The following KLHL38 variants were observed in gnomAD, a reference collection of about 807,000 sequenced individuals.
KLHL38 encodes kelch like family member 38.
A neutral mutation model predicts 39.6 loss-of-function variants in KLHL38; 38 were observed. That is an observed-to-expected ratio of 0.96 (90% confidence interval 0.74 to 1.26). KLHL38 has a LOEUF of 1.26. Ranked by LOEUF, KLHL38 falls within the 50% of genes most tolerant of loss-of-function variation. The pLI, the probability that KLHL38 is intolerant of heterozygous loss-of-function variation, is 0.00. For missense variants in KLHL38, 803 were observed against 748.1 expected (o/e 1.07, Z -0.86); for synonymous variants, 322 against 302.2 (o/e 1.07, Z -0.68).
At chr8:123,648,852 A>G (rs1812581400) in intron 2 of KLHL38, among the ~76,000 whole-genome samples, 1 of 152,234 alleles carries the variant, frequency 6.6e-6, no homozygotes. Context: ...GAACAAGCCT[A>G]TGAAGAAAAC....
chr8:123,647,824 A>G (rs1818688264), intron 2 of KLHL38, among the ~76,000 whole-genome samples: 1 of 152,180 alleles, frequency 6.6e-6, no homozygotes. Context: ...CACGCCTGTA[A>G]TCTCAGCACT....
rs200890127 is a variant in KLHL38, at chr8:123,652,761, T to C, written c.166A>G (p.Ser56Gly). Reference sequence around the variant, plus strand: ...CAGAACATAGCCCTGAAGTAGGGGCTGCTGGAGGCCAGCACGTTGCGGTGG... The same window carrying C: ...CAGAACATAGCCCTGAAGTAGGGGCCGCTGGAGGCCAGCACGTTGCGGTGG... ...PCHRNVLASS[S>G]PYFRAMFCSS... The change falls in exon 2 of 4, where the codon AGC becomes GGC. Residue 56 changes from serine (S) to glycine (G), a missense_variant. Coordinates refer to ENST00000684634, the MANE Select transcript of KLHL38 (RefSeq NM_001081675.3). 1 of 1,614,226 alleles carries C rather than the reference T, an allele frequency of 6.2e-7. No homozygotes were observed. The highest frequency in any genetic ancestry group is 1.3e-5 in the African/African-American group (1 of 75,070).
At position 123,651,763 on chromosome 8, in the gene KLHL38, G is replaced by A. The variant is rs373917760; in HGVS notation, c.1164C>T (p.Ile388=). The change falls in exon 2 of 4, where the codon ATC becomes ATT. Residue 388 remains isoleucine, a synonymous_variant. Coordinates refer to ENST00000684634, the MANE Select transcript of KLHL38 (RefSeq NM_001081675.3). ...GCTCCTGCCCTTCTCCAATCCCCCC[G>A]ATGGAGAAGATGAAGTTCTTATGGG... The part of the protein sequence containing the change: ...STAHKNFIFS[I]GGIGEGQELM... The A allele has an allele frequency of 2.4e-5, 38 of 1,614,074 alleles. No individual in the cohort carries two copies. Among genetic ancestry groups the A allele is most frequent in the South Asian group, 8.8e-5 (8 of 91,068 alleles).
intron 2 of KLHL38, among the ~76,000 whole-genome samples, chr8:123,651,297 A>T (rs528533660): frequency 6.6e-6 from 1 of 152,184 alleles, no homozygotes; most frequent in Non-Finnish European, 1.5e-5. Context: ...GCATGCATGA[A>T]TTGTATATGT....
chr8:123,651,496 G>T, intron 2 of KLHL38, 81 bp downstream of exon 2: 2 of 1,417,486 alleles, frequency 1.4e-6, no homozygotes, highest in Non-Finnish European at 1.9e-6. Context: ...GTATACATGT[G>T]CATGTGTGTG....
rs1250369617 is a variant in KLHL38 at position 123,651,709 on chromosome 8, G to T, written c.1218C>A (p.Ser406Arg). The change falls in exon 2 of 4, where the codon AGC becomes AGA. Residue 406 changes from serine (S) to arginine (R), a missense_variant. Physicochemically the swap from Ser to Arg is moderately radical, Grantham distance 110 (BLOSUM62 -1). Coordinates refer to ENST00000684634, the MANE Select transcript of KLHL38 (RefSeq NM_001081675.3). The part of the protein sequence containing the change: ...ELMGSMERYD[S>R]ICNVWESMAS... Reference sequence around the variant, plus strand: ...CCATACTCTCCCAGACATTGCAGATGCTGTCATACCTTTCCATGGAGCCCA... The same window carrying T: ...CCATACTCTCCCAGACATTGCAGATTCTGTCATACCTTTCCATGGAGCCCA... The T allele has an allele frequency of 3.6e-5, 58 of 1,614,076 alleles. No individual in the cohort carries two copies. The highest frequency in any genetic ancestry group is 4.7e-5 in the Non-Finnish European group (55 of 1,180,054).
At position 123,652,426 on chromosome 8, in the gene KLHL38, G is replaced by C; in HGVS notation, c.501C>G (p.Ala167=). ...EVALTSFPEV[A]ASADLKELCA... Reference sequence around the variant, plus strand: ...AGAGCTCCTTCAGGTCGGCCGATGCGGCCACCTCTGGGAAGGACGTCAGTG... The same window carrying C: ...AGAGCTCCTTCAGGTCGGCCGATGCCGCCACCTCTGGGAAGGACGTCAGTG... The change falls in exon 2 of 4, where the codon GCC becomes GCG. Residue 167 remains alanine (A), a synonymous_variant. Coordinates refer to ENST00000684634, the MANE Select transcript of KLHL38 (RefSeq NM_001081675.3). The C allele has an allele frequency of 6.2e-7, 1 of 1,614,090 alleles. No individual in the cohort carries two copies. The highest frequency in any genetic ancestry group is 8.5e-7 in the Non-Finnish European group (1 of 1,180,044).
rs575032319 is a variant in KLHL38 at position 123,645,113 on chromosome 8, C to CAG, written c.*624_*625dup. Reference sequence around the variant, plus strand: ...AGAGAAGCAGAGAGGGGGAGACAGACAGAGAGAGAGAAGAGAGACAGAAAC... The same window carrying CAG: ...AGAGAAGCAGAGAGGGGGAGACAGACAGAGAGAGAGAGAAGAGAGACAGAAAC... On this transcript the variant is annotated 3_prime_UTR_variant, in exon 4 of 4. Coordinates refer to ENST00000684634, the MANE Select transcript of KLHL38 (RefSeq NM_001081675.3). Among the ~76,000 whole-genome samples, 1 of 148,730 alleles carries CAG rather than the reference C, an allele frequency of 6.7e-6. No homozygotes were observed. The highest frequency in any genetic ancestry group is 2.2e-4 in the South Asian group (1 of 4,634).
At chr8:123,646,807 G>A in intron 3 of KLHL38, 102 bp downstream of exon 3, 1 of 725,452 alleles carries the variant, frequency 1.4e-6, no homozygotes, top group Middle Eastern at 2.5e-4. Context: ...ATGTGCTTTT[G>A]AAAAGACAGT....
Position 123,652,387 on chromosome 8 carries a change from C to G in KLHL38, c.540G>C (p.Leu180Phe), listed in dbSNP as rs746461027. 2.2e-5 allele frequency: 36 copies of G among 1,613,940 alleles called. No individual in the cohort carries two copies. Among genetic ancestry groups the G allele is most frequent in the Non-Finnish European group, 3.1e-5 (36 of 1,180,044 alleles). Residue 180 changes from leucine (L) to phenylalanine (F), a missense_variant, in exon 2 of 4, where the codon TTG becomes TTC. By Grantham distance (22) the Leu-to-Phe change is conservative. Transcript: ENST00000684634. ...GCCCATCATCTCCGAGATAGTCCCT[C>G]AACTCCAAGGCACAGAGCTCCTTCA... ...ADLKELCALE[L>F]RDYLGDDGLC...
In KLHL38 at chr8:123,645,735, G is replaced by C. The variant is rs372882744; in HGVS notation, c.*4C>G. On this transcript the variant is annotated 3_prime_UTR_variant, in exon 4 of 4. Transcript: ENST00000684634. ...TGACTAGGGCAGAAGGTTTCTTGTC[G>C]ACCTCATGGGAGGCCAGACGTGCGG... 3 of 1,611,674 alleles carry C rather than the reference G, an allele frequency of 1.9e-6. No individual in the cohort carries two copies. Among genetic ancestry groups the C allele is most frequent in the Middle Eastern group, 3.3e-4 (2 of 6,000 alleles).
chr8:123,646,301 T>C (rs778602154), intron 3 of KLHL38, among the ~76,000 whole-genome samples: 26 of 152,264 alleles, frequency 1.7e-4, no homozygotes, highest in Non-Finnish European at 3.2e-4. Context: ...CCTGTAACTT[T>C]CTCAGCCTCA....
rs769326297 is a variant in KLHL38, at chr8:123,652,722, C to T, written c.205G>A (p.Glu69Lys). Reference sequence around the variant, plus strand: ...AGCTGCACTTTGGCTTCACTCTTCTCCCGGAAGCTGCTGCAGAACATAGCC... The same window carrying T: ...AGCTGCACTTTGGCTTCACTCTTCTTCCGGAAGCTGCTGCAGAACATAGCC... The part of the protein sequence containing the change: ...FRAMFCSSFR[E>K]KSEAKVQLKG... Residue 69 changes from glutamate to lysine, a missense_variant, in exon 2 of 4, where the codon GAG (glutamate) becomes AAG (lysine). Physicochemically the swap from Glu to Lys is moderately conservative, Grantham distance 56 (BLOSUM62 1). Coordinates refer to ENST00000684634, the MANE Select transcript of KLHL38 (RefSeq NM_001081675.3). 2 of 1,614,190 alleles carry T rather than the reference C, an allele frequency of 1.2e-6. No homozygotes were observed. Among genetic ancestry groups the T allele is most frequent in the Non-Finnish European group, 8.5e-7 (1 of 1,180,022 alleles).
Position 123,645,701 on chromosome 8 carries a change from A to T in KLHL38, c.*38T>A, listed in dbSNP as rs1195556377. 1.2e-6 allele frequency: 2 copies of T among 1,602,506 alleles called. No individual in the cohort carries two copies. The highest frequency in any genetic ancestry group is 3.4e-5 in the Admixed American group (2 of 59,418). ...GCTGGGTTTGTGTCCCTGGCGACAGAAGGCATTTTGACTAGGGCAGAAGGT... is the reference window on the plus strand; with the variant it reads ...GCTGGGTTTGTGTCCCTGGCGACAGTAGGCATTTTGACTAGGGCAGAAGGT... On this transcript the variant is annotated 3_prime_UTR_variant, in exon 4 of 4. Coordinates refer to ENST00000684634, the MANE Select transcript of KLHL38 (RefSeq NM_001081675.3).
chr8:123,649,731 T>G (rs2129746591), intron 2 of KLHL38, among the ~76,000 whole-genome samples: 1 of 152,134 alleles, frequency 6.6e-6, no homozygotes, highest in South Asian at 2.1e-4. Flanking sequence ...GGCTCAGGGG[T>G]TGCGATGTGG....
chr8:123,651,014 C>T (rs896941422), intron 2 of KLHL38, among the ~76,000 whole-genome samples: 5 of 152,210 alleles, frequency 3.3e-5, no homozygotes, highest in Non-Finnish European at 2.9e-5. Context: ...ATATTTTTCT[C>T]ATCAAATGAA....
chr8:123,651,466 ATG>A, intron 2 of KLHL38, 109 bp downstream of exon 2: 1 of 1,088,688 alleles, frequency 9.2e-7, no homozygotes, highest in South Asian at 1.6e-5. Flanking sequence ...ATGTGCATAT[ATG>A]TGTTTTTTGG....
chr8:123,645,449 AAGAGAGAGAGAGAGAGAG>A lies in KLHL38; in HGVS notation c.*272_*289del. The A allele has an allele frequency of 3.1e-6, 1 of 324,146 alleles. No homozygotes were observed. Among genetic ancestry groups the A allele is most frequent in the Non-Finnish European group, 5.5e-6 (1 of 183,246 alleles). The allele number at this position is 324,146 out of a possible 1,614,324, so 20.1% of individuals were successfully genotyped here. Reference sequence around the variant, plus strand: ...GAAACTCCATCTCAAAAAAAAGAAAAAGAGAGAGAGAGAGAGAGAGAGAGAGAGAGACAGACAGAGATA... The same window carrying A: ...GAAACTCCATCTCAAAAAAAAGAAAAAGAGAGAGAGAGACAGACAGAGATA... On this transcript the variant is annotated 3_prime_UTR_variant, in exon 4 of 4. Transcript: ENST00000684634.
At position 123,652,096 on chromosome 8, in the gene KLHL38, A is replaced by G; in HGVS notation, c.831T>C (p.Pro277=). 1 of 1,614,170 alleles carries G rather than the reference A, an allele frequency of 6.2e-7. No individual in the cohort carries two copies. The highest frequency in any genetic ancestry group is 1.7e-5 in the Admixed American group (1 of 60,014). Residue 277 remains proline, a synonymous_variant, in exon 2 of 4, where the codon CCT becomes CCC. Transcript: ENST00000684634. ...VPDCKLLLHV[P]PRNSYQDFLI... ...GGAAATCTTGGTAAGAGTTTCTTGG[A>G]GGGACATGCAACAGGAGTTTGCAGT... is the stretch of plus-strand genomic sequence containing the variant.
Sources: allele counts gnomAD v4.1 joint callset (sites outside exome capture counted in the v4.1 genomes callset), GRCh38; gene constraint gnomAD v4.1.1; transcripts MANE v1.5; gene names NCBI Gene and HGNC (gene_info 2026-07-23, HGNC 2026-07-21).